TMEM260: variants seen among roughly 807,000 people sequenced by gnomAD.
TMEM260 encodes transmembrane protein 260.
In TMEM260, 82 loss-of-function variants were observed where a neutral mutation model predicts 88.9. That is an observed-to-expected ratio of 0.92 (90% confidence interval 0.77 to 1.11). The LOEUF (loss-of-function observed/expected upper bound fraction) is 1.11. TMEM260 is among the 50% of genes least tolerant of loss of function. The pLI is 0.00. For missense variants in TMEM260, 902 were observed against 853.4 expected, an observed-to-expected ratio of 1.06 and a Z score of -0.71; for synonymous variants, 314 against 309.3, an observed-to-expected ratio of 1.02 and a Z score of -0.16.
At chr14:56,655,770 A>G in the TMEM260 span, among the ~76,000 whole-genome samples, 3 of 152,164 alleles carry the variant, frequency 2.0e-5, no homozygotes, top group Non-Finnish European at 2.9e-5. Context: ...TGGATACAAT[A>G]GAGATTCTAT....
rs1884977948 is a variant in TMEM260 at position 56,579,825 on chromosome 14, C to T, written c.-90C>T. On this transcript the variant is annotated 5_prime_UTR_variant, in exon 1 of 16. Transcript: ENST00000261556. ...CCCGGAAGCCGCCGTGGCCGCCGCA[C>T]AAGCTGCGCTCGTCTCTCGGCTGGG... The T allele has an allele frequency of 1.7e-6, 2 of 1,180,076 alleles. No individual in the cohort carries two copies. The highest frequency in any genetic ancestry group is 3.2e-5 in the East Asian group (1 of 31,374). The allele number at this position is 1,180,076 out of a possible 1,614,324, so 73.1% of individuals were successfully genotyped here. A position where few individuals can be genotyped will look rare whatever the true frequency, so the allele number is the denominator to read the frequency against.
At chr14:56,601,733 C>T (rs914945425) in intron 3 of TMEM260, among the ~76,000 whole-genome samples, 8 of 152,050 alleles carry the variant, frequency 5.3e-5, no homozygotes, top group Admixed American at 1.3e-4. Context: ...TTCATGGTTT[C>T]TTATGAATTA....
At chr14:56,612,699 CTTTT>C (rs375397623) in intron 7 of TMEM260, 3 of 139,266 alleles carry the variant, frequency 2.2e-5, no homozygotes, top group Non-Finnish European at 3.1e-5. Context: ...TTTTCCCCAA[CTTTT>C]TTTTTTTTTT....
In TMEM260 at chr14:56,625,472, A is replaced by G. The variant is rs376435235; in HGVS notation, c.1489A>G (p.Ile497Val). ...PGNRWNPVEGILPSGMVTFNL... is the reference protein window; with the variant it reads ...PGNRWNPVEGVLPSGMVTFNL... ...GAACCGGTGGAATCCTGTGGAAGGA[A>G]TATTACCTAGTGGAATGGTCACATT... is the stretch of plus-strand genomic sequence containing the variant. Residue 497 changes from isoleucine (I) to valine (V), a missense_variant, in exon 12 of 16, where the codon ATA becomes GTA. Coordinates refer to ENST00000261556, the MANE Select transcript of TMEM260 (RefSeq NM_017799.4). The G allele has an allele frequency of 2.1e-5, 34 of 1,612,658 alleles. No homozygotes were observed. The highest frequency in any genetic ancestry group is 1.6e-4 in the African/African-American group (12 of 75,040).
chr14:56,635,808 G>T (rs1435777159), intron 14 of TMEM260, among the ~76,000 whole-genome samples: 1 of 151,902 alleles, frequency 6.6e-6, no homozygotes, highest in African/African-American at 2.4e-5. Flanking sequence ...TTTTTAAAGA[G>T]TGGTCAAGAA....
intron 15 of TMEM260, among the ~76,000 whole-genome samples, chr14:56,640,937 A>C (rs971278543): frequency 6.6e-6 from 1 of 151,546 alleles, no homozygotes; most frequent in Non-Finnish European, 1.5e-5. Flanking sequence ...CGAGAAGTTT[A>C]GAGAAAAAAG....
chr14:56,625,374 T>C lies in TMEM260; in HGVS notation c.1399-8T>C. 2 of 1,610,190 alleles carry C rather than the reference T, an allele frequency of 1.2e-6. No homozygotes were observed. Among genetic ancestry groups the C allele is most frequent in the Non-Finnish European group, 1.7e-6 (2 of 1,179,096 alleles). ...AAAGTCTGACATTATGTGTGACTTT[T>C]CTGGCAGATGATGACTTACGAGTGG... On this transcript the variant is annotated splice_region_variant and splice_polypyrimidine_tract_variant and intron_variant, in intron 11 of 15. Coordinates refer to ENST00000261556, the MANE Select transcript of TMEM260 (RefSeq NM_017799.4).
chr14:56,621,552 C>G lies in TMEM260; in HGVS notation c.1248C>G (p.Asn416Lys). 1 of 1,607,796 alleles carries G rather than the reference C, an allele frequency of 6.2e-7. No individual in the cohort carries two copies. The highest frequency in any genetic ancestry group is 2.2e-5 in the East Asian group (1 of 44,724). The change falls in exon 11 of 16, where the codon AAC becomes AAG. Residue 416 changes from asparagine (N) to lysine (K), a missense_variant. Coordinates refer to ENST00000261556, the MANE Select transcript of TMEM260 (RefSeq NM_017799.4). ...SNYSVCDQRT[N>K]YVIDKFAKNL... ...TTAGTGTTTGTGACCAAAGGACCAA[C>G]TATGTGATTGATAAGTTCGCAAAGA...
intron 5 of TMEM260, among the ~76,000 whole-genome samples, chr14:56,607,802 G>C (rs78560458): frequency 1.3e-5 from 2 of 152,260 alleles, no homozygotes; most frequent in East Asian, 3.9e-4. Flanking sequence ...CCAGACATCA[G>C]TATTTTTAAG....
chr14:56,604,571 T>C (rs1261731719), intron 4 of TMEM260, among the ~76,000 whole-genome samples: 1 of 152,130 alleles, frequency 6.6e-6, no homozygotes, highest in African/African-American at 2.4e-5. Context: ...ATAGGCAGCT[T>C]TGTGTTGTTA....
At chr14:56,640,023 GGCCTGCGT>G (rs1296518315) in intron 15 of TMEM260, among the ~76,000 whole-genome samples, 6 of 152,224 alleles carry the variant, frequency 3.9e-5, no homozygotes, top group Non-Finnish European at 8.8e-5. Flanking sequence ...AGCTCAAGGA[GGCCTGCGT>G]GCCTTCCTGC....
chr14:56,597,257 A>G (rs10138975), intron 3 of TMEM260, among the ~76,000 whole-genome samples: 9,951 of 152,312 alleles, frequency 0.065, 406 homozygotes, highest in East Asian at 0.16. Flanking sequence ...GCCCAAAGGA[A>G]GTGCTCATTG....
chr14:56,653,141 A>G (rs1890235526), downstream of TMEM260, among the ~76,000 whole-genome samples: 1 of 152,154 alleles, frequency 6.6e-6, no homozygotes, highest in African/African-American at 2.4e-5. Flanking sequence ...TAAAAAATAC[A>G]AAATTTAGCC....
downstream of TMEM260, among the ~76,000 whole-genome samples, chr14:56,653,273 C>T (rs892384359): frequency 6.6e-6 from 1 of 152,090 alleles, no homozygotes; most frequent in Non-Finnish European, 1.5e-5. Context: ...TTTCATGGAA[C>T]CTTCAGTTTC....
chr14:56,605,512 T>C (rs1311262272), intron 4 of TMEM260, 58 bp from the exon 5 acceptor site: 5 of 961,688 alleles, frequency 5.2e-6, no homozygotes, highest in Admixed American at 5.0e-5. Flanking sequence ...CTTTTTATTA[T>C]GTTCTTAGAG....
chr14:56,605,282 C>T (rs1217689985), intron 4 of TMEM260, among the ~76,000 whole-genome samples: 1 of 151,968 alleles, frequency 6.6e-6, no homozygotes, highest in African/African-American at 2.4e-5. Context: ...TACACAATAC[C>T]CTATTACTAT....
chr14:56,596,981 A>G (rs1369581622), intron 3 of TMEM260, among the ~76,000 whole-genome samples: 1 of 151,792 alleles, frequency 6.6e-6, no homozygotes, highest in Non-Finnish European at 1.5e-5. Flanking sequence ...TCTTTTTTTA[A>G]TAAATATAGA....
intron 15 of TMEM260, among the ~76,000 whole-genome samples, chr14:56,643,701 GAA>G (rs2139654070): frequency 6.6e-6 from 1 of 152,292 alleles, no homozygotes; most frequent in African/African-American, 2.4e-5. Context: ...ATTCGATTAG[GAA>G]AAGAGGAAGT....
At chr14:56,608,027 G>A (rs1887021238) in intron 5 of TMEM260, among the ~76,000 whole-genome samples, 1 of 152,132 alleles carries the variant, frequency 6.6e-6, no homozygotes, top group African/African-American at 2.4e-5. Context: ...TTTAAGAATA[G>A]CAAAGGCATG....
Sources: gnomAD v4.1 joint callset for allele counts (sites outside exome capture counted in the v4.1 genomes callset) on GRCh38, gnomAD v4.1.1 for gene constraint, MANE v1.5 for transcripts, NCBI Gene and HGNC (gene_info 2026-07-23, HGNC 2026-07-21) for gene names.